Variants in NHSL2 observed in about 807,000 individuals in gnomAD.
NHSL2 encodes NHS like 2, also known as NHS-like protein 2.
NHSL2 carries 27 observed loss-of-function variants against 53.4 expected under a neutral mutation model. The ratio of observed to expected loss-of-function variants is 0.51; its 90% confidence interval spans 0.37 to 0.70. The LOEUF (loss-of-function observed/expected upper bound fraction) is 0.70, where lower values mean the gene tolerates loss of function less well. Ranked by LOEUF, NHSL2 falls within the 30% of genes least tolerant of loss-of-function variation. The pLI is 0.00. For missense variants in NHSL2, 892 were observed against 980.1 expected (o/e 0.91, Z 1.20); for synonymous variants, 408 against 404.1 (o/e 1.01, Z -0.12).
chrX:72,083,711 T>C (rs1033732173), intron 1 of NHSL2, among the ~76,000 whole-genome samples: 5 of 112,393 alleles, frequency 4.4e-5, no homozygotes, highest in African/African-American at 1.6e-4. Flanking sequence ...ACAATTCACT[T>C]AGAGAAAAAG....
chrX:72,094,135 T>C (rs765068917), intron 1 of NHSL2, among the ~76,000 whole-genome samples: 29 of 111,566 alleles, frequency 2.6e-4, no homozygotes, highest in Non-Finnish European at 4.1e-4. Flanking sequence ...TATAAATAGT[T>C]ACTTTAAATA....
At chrX:72,047,856 T>G (rs1441196152) in intron 1 of NHSL2, among the ~76,000 whole-genome samples, 2 of 110,305 alleles carry the variant, frequency 1.8e-5, no homozygotes, top group African/African-American at 6.6e-5. Context: ...GCCAAGAGTG[T>G]CAGGAGGTAA....
intron 1 of NHSL2, among the ~76,000 whole-genome samples, chrX:71,947,509 T>G (rs1013479880): frequency 8.9e-5 from 10 of 112,433 alleles, no homozygotes; most frequent in African/African-American, 2.9e-4. Context: ...AGCAGGGTTG[T>G]TTTCCAAATC....
intron 1 of NHSL2, among the ~76,000 whole-genome samples, chrX:71,937,802 G>A (rs1259257632): frequency 8.9e-6 from 1 of 111,789 alleles, no homozygotes; most frequent in East Asian, 2.8e-4. Context: ...TGACAACAAA[G>A]GTTTATTCTT....
At chrX:71,948,808 C>T (rs187287837) in intron 1 of NHSL2, among the ~76,000 whole-genome samples, 251 of 97,979 alleles carry the variant, frequency 2.6e-3, no homozygotes, top group African/African-American at 8.9e-3. Flanking sequence ...CCAGCCTGGG[C>T]GACACAGCAA....
chrX:72,095,241 A>G (rs1224363168), intron 1 of NHSL2, among the ~76,000 whole-genome samples: 1 of 112,723 alleles, frequency 8.9e-6, no homozygotes, highest in Non-Finnish European at 1.9e-5. Context: ...AAGTAAGGGA[A>G]GTAATTAAAC....
intron 1 of NHSL2, among the ~76,000 whole-genome samples, chrX:72,009,714 C>G (rs1345237313): frequency 8.9e-6 from 1 of 112,698 alleles, no homozygotes; most frequent in Non-Finnish European, 1.9e-5. Context: ...TTATTTATTT[C>G]CCTTGCCTAT....
chrX:72,116,250 T>C (rs945627159), intron 1 of NHSL2, among the ~76,000 whole-genome samples: 2 of 112,204 alleles, frequency 1.8e-5, no homozygotes, highest in African/African-American at 3.2e-5. Context: ...TTAACAACTG[T>C]TATCGTTGGA....
intron 1 of NHSL2, among the ~76,000 whole-genome samples, chrX:72,059,677 G>A (rs2042389008): frequency 8.9e-6 from 1 of 111,850 alleles, no homozygotes; most frequent in African/African-American, 3.3e-5. Flanking sequence ...TCTGGGTGCT[G>A]ACAACTGGCA....
intron 1 of NHSL2, among the ~76,000 whole-genome samples, chrX:72,095,772 C>T (rs1279485175): frequency 8.9e-6 from 1 of 112,212 alleles, no homozygotes; most frequent in African/African-American, 3.2e-5. Flanking sequence ...TCTGCATTAA[C>T]TCTGCCAACA....
intron 3 of NHSL2, 69 bp from the exon 4 acceptor site, chrX:72,134,440 G>A: frequency 6.2e-6 from 6 of 968,518 alleles, no homozygotes; most frequent in Non-Finnish European, 5.7e-6. Context: ...AGCCTAAACA[G>A]CCACCCTATG....
At chrX:72,116,694 A>G (rs1233532054) in intron 1 of NHSL2, among the ~76,000 whole-genome samples, 1 of 111,257 alleles carries the variant, frequency 9.0e-6, no homozygotes, top group African/African-American at 3.3e-5. Flanking sequence ...AGTTTCCTCA[A>G]GGTTAGAAGG....
intron 1 of NHSL2, among the ~76,000 whole-genome samples, chrX:72,092,660 T>G (rs1396553281): frequency 8.9e-6 from 1 of 112,100 alleles, no homozygotes; most frequent in Non-Finnish European, 1.9e-5. Context: ...TCAACTCTGT[T>G]CAGGAGGAGG....
intron 1 of NHSL2, chrX:72,128,756 C>T (rs2042252135): frequency 8.8e-6 from 1 of 113,080 alleles, no homozygotes; most frequent in South Asian, 3.6e-4. Context: ...CTCTCTCTGT[C>T]TGTCCCAGAA....
intron 1 of NHSL2, among the ~76,000 whole-genome samples, chrX:71,987,251 C>T (rs2042007201): frequency 8.9e-6 from 1 of 112,092 alleles, no homozygotes; most frequent in Non-Finnish European, 1.9e-5. Flanking sequence ...TTAGTAGTCT[C>T]AAATACGTGT....
rs1373413257 is a variant in NHSL2 at position 72,139,788 on chromosome X, T to C, written c.2240T>C (p.Val747Ala). Residue 747 changes from valine (V) to alanine (A), a missense_variant, in exon 6 of 8, where the codon GTG (valine) becomes GCG (alanine). Transcript: ENST00000633930. Reference sequence around the variant, plus strand: ...AGCAGCAGTGTCCGGGTACGTCCAGTGGTACCTGAGAGGAAGTCATCACTA... The same window carrying C: ...AGCAGCAGTGTCCGGGTACGTCCAGCGGTACCTGAGAGGAAGTCATCACTA... Reference protein sequence around the residue: ...PPSSSVRVRPVVPERKSSLPP... With the variant: ...PPSSSVRVRPAVPERKSSLPP... The C allele has an allele frequency of 8.3e-6, 10 of 1,208,959 alleles. No individual in the cohort carries two copies. The highest frequency in any genetic ancestry group is 1.8e-5 in the African/African-American group (1 of 56,885).
chrX:72,148,556 C>G lies in NHSL2; in HGVS notation c.*4982C>G, dbSNP rs983143969. The G allele has an allele frequency of 1.5e-4, 17 of 111,140 alleles. No individual in the cohort carries two copies. The highest frequency in any genetic ancestry group is 5.2e-4 in the African/African-American group (16 of 30,498). 9.2% of individuals were successfully genotyped at this position (111,140 alleles called of 1,213,427 possible). Reference sequence around the variant, plus strand: ...AGGAAGTGCCTTTGTCAAAAGGCAGCAAAAAGTATAATGATATAAACATAA... The same window carrying G: ...AGGAAGTGCCTTTGTCAAAAGGCAGGAAAAAGTATAATGATATAAACATAA... On this transcript the variant is annotated 3_prime_UTR_variant, in exon 8 of 8. Coordinates refer to ENST00000633930, the MANE Select transcript of NHSL2 (RefSeq NM_001013627.3).
intron 1 of NHSL2, among the ~76,000 whole-genome samples, chrX:72,002,447 C>A (rs56024933): frequency 1.8e-5 from 2 of 112,295 alleles, no homozygotes; most frequent in African/African-American, 6.5e-5. Flanking sequence ...GATAATTCTA[C>A]AGTGTGTTAG....
At chrX:72,021,038 TACAC>T (rs1037964289) in intron 1 of NHSL2, among the ~76,000 whole-genome samples, 2 of 105,801 alleles carry the variant, frequency 1.9e-5, no homozygotes, top group Non-Finnish European at 3.8e-5. Context: ...TGAGGGTGTG[TACAC>T]ACACACACGC....
Sources: gnomAD v4.1 joint callset for allele counts (sites outside exome capture counted in the v4.1 genomes callset) on GRCh38, gnomAD v4.1.1 for gene constraint, MANE v1.5 for transcripts, NCBI Gene and HGNC (gene_info 2026-07-23, HGNC 2026-07-21) for gene names.